Variants in DPP9 observed in about 807,000 individuals in gnomAD.
The protein encoded by DPP9 is dipeptidyl peptidase 9.
A neutral mutation model predicts 110.7 loss-of-function variants in DPP9; 50 were observed. The observed-to-expected ratio is 0.45, with a 90% CI of 0.36 to 0.57. The LOEUF (loss-of-function observed/expected upper bound fraction) is 0.57, where lower values mean the gene tolerates loss of function less well. DPP9 is among the 20% of genes least tolerant of loss of function. DPP9 has a pLI of 0.00. For synonymous variants in DPP9, 561 were observed against 514.4 expected, an observed-to-expected ratio of 1.09 and a Z score of -1.23; for missense variants, 1,022 against 1,217.9, an observed-to-expected ratio of 0.84 and a Z score of 2.39.
intron 7 of DPP9, among the ~76,000 whole-genome samples, chr19:4,703,041 G>A (rs369284062): frequency 6.6e-5 from 10 of 151,962 alleles, no homozygotes; most frequent in Middle Eastern, 3.4e-3. Context: ...CAAGTGTGCC[G>A]TCTAAAAACG....
At chr19:4,712,222 T>C (rs1053877563) in intron 4 of DPP9, among the ~76,000 whole-genome samples, 3 of 152,128 alleles carry the variant, frequency 2.0e-5, no homozygotes, top group African/African-American at 7.2e-5. Context: ...TTCAGTCCAA[T>C]TTCTCCCAGA....
At chr19:4,702,971 GGTGCTGAGCAGT>G (rs1366951798) in intron 7 of DPP9, among the ~76,000 whole-genome samples, 2 of 151,594 alleles carry the variant, frequency 1.3e-5, no homozygotes, top group Non-Finnish European at 2.9e-5. Flanking sequence ...GGCACAGCAG[GGTGCTGAGCAGT>G]GTCCCTGGCC....
In DPP9 at chr19:4,702,684, C is replaced by T. The variant is rs2092336074; in HGVS notation, c.802G>A (p.Ala268Thr). The change falls in exon 8 of 22, where the codon GCG (alanine) becomes ACG (threonine). Residue 268 changes from alanine to threonine, a missense_variant. Physicochemically the swap from Ala to Thr is moderately conservative, Grantham distance 58. This residue lies in a region of DPP9 where 810 missense variants were observed against 920.6 expected (regional missense o/e 0.88). Coordinates refer to ENST00000262960, the MANE Select transcript of DPP9 (RefSeq NM_139159.5). ...TGTATGACGAAGGTGGCCACACCCG[C>T]AGACTTGGGGTCATCCAGGACATTG... ...LSNVLDDPKS[A>T]GVATFVIQEE... is the part of the protein sequence containing the mutation. 1 of 1,599,982 alleles carries T rather than the reference C, an allele frequency of 6.3e-7. No homozygotes were observed. Among genetic ancestry groups the T allele is most frequent in the Non-Finnish European group, 8.5e-7 (1 of 1,173,836 alleles).
At position 4,694,583 on chromosome 19, in the gene DPP9, C is replaced by T. The variant is rs527414061; in HGVS notation, c.1516+78G>A. ...GGGTGTGCTGGCTGAGTGGGGGGGCCGACCAATGAACAAACAGCATATTGA... is the reference window on the plus strand; with the variant it reads ...GGGTGTGCTGGCTGAGTGGGGGGGCTGACCAATGAACAAACAGCATATTGA... On this transcript the variant is annotated intron_variant, in intron 13 of 21. Transcript: ENST00000262960. The surrounding 1 kb of genome is among the most constrained non-coding windows in gnomAD (Gnocchi z 4.0). 7.2e-6 allele frequency: 11 copies of T among 1,519,376 alleles called. No individual in the cohort carries two copies. Among genetic ancestry groups the T allele is most frequent in the Non-Finnish European group, 9.8e-6 (11 of 1,125,142 alleles). 94.1% of individuals were successfully genotyped at this position (1,519,376 alleles called of 1,614,324 possible).
At chr19:4,712,100 A>G (rs2092863749) in intron 4 of DPP9, among the ~76,000 whole-genome samples, 2 of 152,232 alleles carry the variant, frequency 1.3e-5, no homozygotes, top group South Asian at 4.1e-4. Context: ...CAAGTGGCCC[A>G]AGACTGTGGG....
In DPP9 at chr19:4,679,984, T is replaced by C. The variant is rs377103317; in HGVS notation, c.2475-38A>G. 7.3e-6 allele frequency: 11 copies of C among 1,496,928 alleles called. No individual in the cohort carries two copies. In the African/African-American group the frequency reaches 1.2e-4, roughly 17 times the overall value. 92.7% of individuals were successfully genotyped at this position (1,496,928 alleles called of 1,614,324 possible). ...TGGGGAAGGGTCTGAGGCCAGGGAT[T>C]GTCCGTGGGGTAGGAGGGGAGCAGA... On this transcript the variant is annotated intron_variant, in intron 20 of 21. Coordinates refer to ENST00000262960, the MANE Select transcript of DPP9 (RefSeq NM_139159.5).
intron 2 of DPP9, chr19:4,722,266 C>T (rs1324751700): frequency 5.7e-6 from 3 of 528,654 alleles, no homozygotes; most frequent in Middle Eastern, 5.0e-4. Flanking sequence ...TCTCCCCTTC[C>T]TCTCCTCAAA....
intron 13 of DPP9, among the ~76,000 whole-genome samples, chr19:4,691,186 G>A (rs996586639): frequency 3.9e-5 from 6 of 152,122 alleles, no homozygotes; most frequent in African/African-American, 9.7e-5. Flanking sequence ...TGTTTCCCAC[G>A]ATAAACCAGG....
rs551090238 is a variant in DPP9 at position 4,685,386 on chromosome 19, C to T, written c.2031+240G>A. 3.5e-5 allele frequency: 23 copies of T among 650,300 alleles called. No individual in the cohort carries two copies. Among genetic ancestry groups the T allele is most frequent in the African/African-American group, 9.1e-5 (5 of 55,248 alleles). The allele number at this position is 650,300 out of a possible 1,614,324, so 40.3% of individuals were successfully genotyped here. ...AGAGGAACAAGGGAGAGTCAGCAGG[C>T]GGAGGGGGAAGGGGAGGCCATCCAG... On this transcript the variant is annotated intron_variant, in intron 17 of 21. Transcript: ENST00000262960. This position sits in a 1 kb window ranked among gnomAD's most constrained non-coding sequence, Gnocchi z 5.8.
At position 4,676,436 on chromosome 19, in the gene DPP9, G is replaced by T; in HGVS notation, c.*128C>A. The T allele has an allele frequency of 2.6e-6, 2 of 780,716 alleles. No homozygotes were observed. The highest frequency in any genetic ancestry group is 2.7e-5 in the East Asian group (1 of 37,100). The allele number at this position is 780,716 out of a possible 1,614,324, so 48.4% of individuals were successfully genotyped here. On this transcript the variant is annotated 3_prime_UTR_variant, in exon 22 of 22. Transcript: ENST00000262960. This position sits in a 1 kb window ranked among gnomAD's most constrained non-coding sequence, Gnocchi z 4.0. ...GGCGGTGAAGGCAGCGGCTCCTCGG[G>T]GCTGGCCAGCGCTGGGCGGGACAAA...
chr19:4,694,525 G>T lies in DPP9; in HGVS notation c.1516+136C>A. On this transcript the variant is annotated intron_variant, in intron 13 of 21. Transcript: ENST00000262960. The surrounding 1 kb of genome is among the most constrained non-coding windows in gnomAD (Gnocchi z 4.0). Reference sequence around the variant, plus strand: ...GATCATGCAGTCACTGGGGAAGGCTGGCTTCCTGCCGATCCCTGTTCCTTC... The same window carrying T: ...GATCATGCAGTCACTGGGGAAGGCTTGCTTCCTGCCGATCCCTGTTCCTTC... The T allele has an allele frequency of 8.7e-7, 1 of 1,149,220 alleles. No individual in the cohort carries two copies. 71.2% of individuals were successfully genotyped at this position (1,149,220 alleles called of 1,614,324 possible). A position where few individuals can be genotyped will look rare whatever the true frequency, so the allele number is the denominator to read the frequency against.
In DPP9 at chr19:4,689,587, T is replaced by G. The variant is rs1375584889; in HGVS notation, c.1732A>C (p.Ser578Arg). ...VRLTTPGFSH[S>R]CSMSQNFDMF... ...GGTCCCACCTGGCTCATGGAGCAGCTATGGGAGAAGCCGGGCGTGGTGAGG... is the reference window on the plus strand; with the variant it reads ...GGTCCCACCTGGCTCATGGAGCAGCGATGGGAGAAGCCGGGCGTGGTGAGG... Residue 578 changes from serine (S) to arginine (R), a missense_variant, in exon 15 of 22, where the codon AGC becomes CGC. Coordinates refer to ENST00000262960, the MANE Select transcript of DPP9 (RefSeq NM_139159.5). The surrounding 1 kb of genome is among the most constrained non-coding windows in gnomAD (Gnocchi z 7.0). 2 of 1,567,102 alleles carry G rather than the reference T, an allele frequency of 1.3e-6. No individual in the cohort carries two copies. The highest frequency in any genetic ancestry group is 1.7e-6 in the Non-Finnish European group (2 of 1,158,126).
chr19:4,722,605 G>T, intron 1 of DPP9, 54 bp from the exon 2 acceptor site: 1 of 701,678 alleles, frequency 1.4e-6, no homozygotes, highest in Non-Finnish European at 2.6e-6. Flanking sequence ...GCACCGGCCA[G>T]CCGTTCAGCC....
chr19:4,701,244 G>A (rs2092234621), intron 9 of DPP9, among the ~76,000 whole-genome samples: 1 of 152,164 alleles, frequency 6.6e-6, no homozygotes, highest in Non-Finnish European at 1.5e-5. Flanking sequence ...GAGGCGAGAG[G>A]ACCACTTGAG....
At chr19:4,677,528 T>C (rs535476101) in intron 21 of DPP9, among the ~76,000 whole-genome samples, 5 of 152,238 alleles carry the variant, frequency 3.3e-5, no homozygotes, top group African/African-American at 1.2e-4. Context: ...CCCACTGGTT[T>C]CCCCTCCTCT....
chr19:4,704,163 G>A lies in DPP9; in HGVS notation c.568C>T (p.His190Tyr). 1 of 1,614,012 alleles carries A rather than the reference G, an allele frequency of 6.2e-7. No homozygotes were observed. Among genetic ancestry groups the A allele is most frequent in the Non-Finnish European group, 8.5e-7 (1 of 1,179,900 alleles). The change falls in exon 6 of 22, where the codon CAC becomes TAC. Residue 190 changes from histidine (H) to tyrosine (Y), a missense_variant. His to Tyr is a moderately conservative substitution (Grantham distance 83, BLOSUM62 2). This residue lies in a region of DPP9 where 810 missense variants were observed against 920.6 expected (regional missense o/e 0.88). Transcript: ENST00000262960. This position sits in a 1 kb window ranked among gnomAD's most constrained non-coding sequence, Gnocchi z 6.0. ...CCGTTCTTGCCGCCGTCGCGGCAGT[G>A]GAAGAGGCTGTTGCTGGCCTGGAAG... is the stretch of plus-strand genomic sequence containing the variant. ...FLFQASNSLFHCRDGGKNGFM... is the reference protein window; with the variant it reads ...FLFQASNSLFYCRDGGKNGFM...
At position 4,682,829 on chromosome 19, in the gene DPP9, C is replaced by G; in HGVS notation, c.2341G>C (p.Ala781Pro). The G allele has an allele frequency of 6.3e-7, 1 of 1,584,330 alleles. No homozygotes were observed. The highest frequency in any genetic ancestry group is 1.2e-5 in the South Asian group (1 of 86,912). ...ATCCAGACGGTGACCGGGGCACCCG[C>G]GATGGCCACCTGAGGGACACAGCAG... Reference protein sequence around the residue: ...HKPQVFKVAIAGAPVTVWMAY... With the variant: ...HKPQVFKVAIPGAPVTVWMAY... The change falls in exon 20 of 22, where the codon GCG becomes CCG. Residue 781 changes from alanine to proline, a missense_variant. Transcript: ENST00000262960. This position sits in a 1 kb window ranked among gnomAD's most constrained non-coding sequence, Gnocchi z 7.1.
intron 7 of DPP9, among the ~76,000 whole-genome samples, 177 bp from the exon 8 acceptor site, chr19:4,702,893 A>G (rs1320998807): frequency 1.1e-5 from 1 of 94,938 alleles, no homozygotes; most frequent in Non-Finnish European, 2.1e-5. Flanking sequence ...ACTGCTTTCA[A>G]GCAGGGTTGC....
chr19:4,684,511 A>G lies in DPP9; in HGVS notation c.2178+152T>C, dbSNP rs1171858585. 12 of 823,482 alleles carry G rather than the reference A, an allele frequency of 1.5e-5. No homozygotes were observed. Among genetic ancestry groups the G allele is most frequent in the Middle Eastern group, 5.2e-4 (2 of 3,858 alleles). The allele number at this position is 823,482 out of a possible 1,614,324, so 51.0% of individuals were successfully genotyped here. A position where few individuals can be genotyped will look rare whatever the true frequency, so the allele number is the denominator to read the frequency against. ...CAAAGCATACATCCCCTTTTGTTCT[A>G]AAAGGGCGCCTCATTGAGCCTGCGT... On this transcript the variant is annotated intron_variant, in intron 18 of 21. Coordinates refer to ENST00000262960, the MANE Select transcript of DPP9 (RefSeq NM_139159.5). The surrounding 1 kb of genome is among the most constrained non-coding windows in gnomAD (Gnocchi z 4.8).
Sources: allele counts gnomAD v4.1 joint callset (sites outside exome capture counted in the v4.1 genomes callset), GRCh38; gene constraint gnomAD v4.1.1; regional missense constraint gnomAD v4.1.1; non-coding constraint Gnocchi (gnomAD v3.1); transcripts MANE v1.5; gene names NCBI Gene and HGNC (gene_info 2026-07-23, HGNC 2026-07-21).